The following RB1 variants were observed in gnomAD, a reference collection of about 807,000 sequenced individuals.
RB1 encodes the protein RB transcriptional corepressor 1, also known as retinoblastoma-associated protein.
RB1 carries 18 observed loss-of-function variants against 135.4 expected under a neutral mutation model. The ratio of observed to expected loss-of-function variants is 0.13; its 90% confidence interval spans 0.09 to 0.20. The LOEUF (loss-of-function observed/expected upper bound fraction) is 0.20. Among genes scored for constraint, RB1 ranks in the 10% least tolerant of loss-of-function variants. RB1 has a pLI of 1.00. For synonymous variants in RB1, 365 were observed against 373.2 expected (o/e 0.98, Z 0.25); for missense variants, 868 against 1,110.0 (o/e 0.78, Z 3.10).
chr13:48,438,685 A>G (rs1949207429), intron 17 of RB1, among the ~76,000 whole-genome samples: 1 of 152,050 alleles, frequency 6.6e-6, no homozygotes, highest in African/African-American at 2.4e-5. Context: ...CTCCTTGTCT[A>G]CCTTTCTTCA....
chr13:48,464,568 T>TG (rs1297068937), intron 21 of RB1, among the ~76,000 whole-genome samples: 6 of 152,232 alleles, frequency 3.9e-5, no homozygotes, highest in South Asian at 2.1e-4. Flanking sequence ...CCTTATAGAT[T>TG]GGGGGGGATA....
intron 11 of RB1, among the ~76,000 whole-genome samples, chr13:48,369,859 T>C (rs1952739952): frequency 6.6e-6 from 1 of 152,194 alleles, no homozygotes; most frequent in East Asian, 1.9e-4. Context: ...CCAATTTATA[T>C]TGATAGATTC....
intron 2 of RB1, among the ~76,000 whole-genome samples, chr13:48,327,273 T>C (rs1321047349): frequency 6.6e-6 from 1 of 152,188 alleles, no homozygotes; most frequent in Non-Finnish European, 1.5e-5. Context: ...TGGTGGTTTG[T>C]ATTTTAAAAG....
rs1948793923 is a variant in RB1 at position 48,411,240 on chromosome 13, T to A, written c.1695+29797T>A. The A allele has an allele frequency of 4.4e-6, 3 of 679,796 alleles. No individual in the cohort carries two copies. The South Asian group carries it at 5.0e-5, about 11-fold the overall frequency. 42.1% of individuals were successfully genotyped at this position (679,796 alleles called of 1,614,324 possible). A position where few individuals can be genotyped will look rare whatever the true frequency, so the allele number is the denominator to read the frequency against. On this transcript the variant is annotated intron_variant, in intron 17 of 26. Coordinates refer to ENST00000267163, the MANE Select transcript of RB1 (RefSeq NM_000321.3). ...AAAATACATGTTAATGCTTAACACATTGAATACAAATTTTCTTTATACTAA... is the reference window on the plus strand; with the variant it reads ...AAAATACATGTTAATGCTTAACACAATGAATACAAATTTTCTTTATACTAA...
At chr13:48,344,678 A>G (rs1207831164) in intron 3 of RB1, among the ~76,000 whole-genome samples, 1 of 152,102 alleles carries the variant, frequency 6.6e-6, no homozygotes, top group African/African-American at 2.4e-5. Context: ...ACTGAGGATG[A>G]ATGGGTTCCA....
intron 17 of RB1, among the ~76,000 whole-genome samples, chr13:48,430,429 A>G (rs1861344905): frequency 6.6e-6 from 1 of 152,208 alleles, no homozygotes; most frequent in African/African-American, 2.4e-5. Flanking sequence ...TTCTGGAAAA[A>G]AATGAGCACG....
intron 2 of RB1, among the ~76,000 whole-genome samples, chr13:48,330,577 G>A (rs1257132030): frequency 6.6e-6 from 1 of 152,118 alleles, no homozygotes; most frequent in Non-Finnish European, 1.5e-5. Context: ...CAGATTGTTT[G>A]CCACATACTA....
At chr13:48,462,033 A>T (rs1949409059) in intron 20 of RB1, among the ~76,000 whole-genome samples, 1 of 151,920 alleles carries the variant, frequency 6.6e-6, no homozygotes, top group Non-Finnish European at 1.5e-5. Flanking sequence ...GGGTTTCATT[A>T]TGTTGGTCAG....
chr13:48,309,364 G>A (rs1566175933), intron 2 of RB1, among the ~76,000 whole-genome samples: 1 of 152,108 alleles, frequency 6.6e-6, no homozygotes, highest in Non-Finnish European at 1.5e-5. Flanking sequence ...TAAGAAAATT[G>A]TTTAAAACCA....
rs58957756 is a variant in RB1, at chr13:48,348,680, A to AT, written c.540-265dup. Reference sequence around the variant, plus strand: ...TCAAAATGTATACTTTTTTTTCTTAATTTTTTTTTTTGCAGCTTCTCATGG... The same window carrying AT: ...TCAAAATGTATACTTTTTTTTCTTAATTTTTTTTTTTTGCAGCTTCTCATGG... On this transcript the variant is annotated intron_variant, in intron 5 of 26. Transcript: ENST00000267163. Among the ~76,000 whole-genome samples the AT allele has an allele frequency of 0.032, 4,691 of 145,816 alleles. 143 individuals are homozygous for AT. Among genetic ancestry groups the AT allele is most frequent in the East Asian group, 0.15 (742 of 5,028 alleles).
intron 6 of RB1, among the ~76,000 whole-genome samples, chr13:48,354,454 A>G (rs1427368146): frequency 6.6e-6 from 1 of 152,128 alleles, no homozygotes; most frequent in African/African-American, 2.4e-5. Context: ...ATGGAAAAAA[A>G]TTTTATGTTG....
At chr13:48,414,791 A>G (rs1015395047) in intron 17 of RB1, among the ~76,000 whole-genome samples, 1 of 152,232 alleles carries the variant, frequency 6.6e-6, no homozygotes, top group African/African-American at 2.4e-5. Context: ...ACAAAAAAAG[A>G]TGAGTATTAC....
At chr13:48,388,608 G>A (rs532174577) in intron 17 of RB1, among the ~76,000 whole-genome samples, 1 of 152,210 alleles carries the variant, frequency 6.6e-6, no homozygotes, top group African/African-American at 2.4e-5. Context: ...AAGCAAAATG[G>A]CAAGATCTGT....
chr13:48,405,654 C>T (rs1370656791), intron 17 of RB1, among the ~76,000 whole-genome samples: 1 of 152,166 alleles, frequency 6.6e-6, no homozygotes. Context: ...TATTTACTAT[C>T]TACTCCTTGA....
intron 26 of RB1, among the ~76,000 whole-genome samples, chr13:48,477,629 G>A (rs1439789953): frequency 6.6e-6 from 1 of 152,086 alleles, no homozygotes; most frequent in East Asian, 1.9e-4. Context: ...CATGCAGGAA[G>A]ACTAAGAAGT....
intron 6 of RB1, among the ~76,000 whole-genome samples, chr13:48,354,467 C>A (rs1024021510): frequency 2.0e-5 from 3 of 152,008 alleles, no homozygotes; most frequent in Non-Finnish European, 2.9e-5. Flanking sequence ...TTATGTTGTT[C>A]ATGGATTGGA....
At chr13:48,349,909 A>G (rs1390330348) in intron 6 of RB1, among the ~76,000 whole-genome samples, 1 of 152,144 alleles carries the variant, frequency 6.6e-6, no homozygotes, top group Non-Finnish European at 1.5e-5. Flanking sequence ...ATATCAGACA[A>G]AATAGATTTC....
At chr13:48,358,046 A>C (rs1952608276) in intron 6 of RB1, among the ~76,000 whole-genome samples, 1 of 152,264 alleles carries the variant, frequency 6.6e-6, no homozygotes. Flanking sequence ...TGCTGGCTGC[A>C]CAGACAAAAT....
rs138982542 is a variant in RB1 at position 48,397,332 on chromosome 13, G to T, written c.1695+15889G>T. Among the ~76,000 whole-genome samples the T allele has an allele frequency of 3.1e-3, 469 of 152,184 alleles. 2 individuals are homozygous for T. The highest frequency in any genetic ancestry group is 5.0e-3 in the Non-Finnish European group (338 of 67,990). ...TGCAGCCATAAAAAAGGATGAGTTC[G>T]TGTCCTTTGCAGGGACATGGATGAA... On this transcript the variant is annotated intron_variant, in intron 17 of 26. Transcript: ENST00000267163.
Sources: gnomAD v4.1 joint callset for allele counts (sites outside exome capture counted in the v4.1 genomes callset) on GRCh38, gnomAD v4.1.1 for gene constraint, MANE v1.5 for transcripts, NCBI Gene and HGNC (gene_info 2026-07-23, HGNC 2026-07-21) for gene names.